CUEDC1: variants seen among roughly 807,000 people sequenced by gnomAD.
CUEDC1 encodes the protein CUE domain containing 1.
CUEDC1 carries 30 observed loss-of-function variants against 43.7 expected under a neutral mutation model. The ratio of observed to expected loss-of-function variants is 0.69; its 90% CI spans 0.51 to 0.93. The LOEUF (loss-of-function observed/expected upper bound fraction) is 0.93, where lower values mean the gene tolerates loss of function less well. CUEDC1 is among the 40% of genes least tolerant of loss of function. The probability of loss-of-function intolerance (pLI) is 0.00; values close to 1 mark genes in which losing one functional copy is unlikely to be tolerated. For missense variants in CUEDC1, 486 were observed against 549.0 expected, an observed-to-expected ratio of 0.89 and a Z score of 1.15; for synonymous variants, 223 against 223.6, an observed-to-expected ratio of 1.00 and a Z score of 0.02.
rs570966707 is a variant in CUEDC1, at chr17:57,909,855, C to G, written c.-315-23976G>C. Among the ~76,000 whole-genome samples the G allele has an allele frequency of 2.0e-5, 3 of 152,184 alleles. 1 individual carries two copies. In the East Asian group the frequency reaches 5.8e-4, roughly 29 times the overall value. ...AGTCAGAGAAAAAGGGCAGCTGAGGCGGGGTATGCATGTGTGTGCGGGTAG... is the reference window on the plus strand; with the variant it reads ...AGTCAGAGAAAAAGGGCAGCTGAGGGGGGGTATGCATGTGTGTGCGGGTAG... On this transcript the variant is annotated intron_variant, in intron 1 of 10. Transcript: ENST00000577830.
intron 1 of CUEDC1, among the ~76,000 whole-genome samples, chr17:57,886,153 G>A (rs763533159): frequency 1.2e-4 from 19 of 152,168 alleles, no homozygotes; most frequent in Non-Finnish European, 2.5e-4. Flanking sequence ...AATACTGTAA[G>A]GTATGTGCTA....
intron 6 of CUEDC1, chr17:57,869,981 C>T (rs1338841909): frequency 6.6e-6 from 1 of 152,308 alleles, no homozygotes; most frequent in African/African-American, 2.4e-5. Flanking sequence ...CAAGAGGCTC[C>T]TGCTTAAAAC....
chr17:57,886,203 G>A (rs1037219394), intron 1 of CUEDC1, among the ~76,000 whole-genome samples: 2 of 152,194 alleles, frequency 1.3e-5, no homozygotes, highest in Admixed American at 1.3e-4. Context: ...AGGTATAGAC[G>A]CTGAGTTAGT....
rs1031012683 is a variant in CUEDC1, at chr17:57,955,163, G to T, written c.-316+62C>A. 1.1e-3 allele frequency: 167 copies of T among 146,612 alleles called. No individual in the cohort carries two copies. The highest frequency in any genetic ancestry group is 4.0e-3 in the African/African-American group (162 of 40,832). 9.1% of individuals were successfully genotyped at this position (146,612 alleles called of 1,614,324 possible). ...CGGGGCCGCGGCCGGGATTGCGCGC[G>T]GGGCGCCGGCGAGGACCGCGCCCGG... is the stretch of plus-strand genomic sequence containing the variant. On this transcript the variant is annotated intron_variant, in intron 1 of 10. Coordinates refer to ENST00000577830, the MANE Select transcript of CUEDC1 (RefSeq NM_001271875.2). The surrounding 1 kb of genome is among the most constrained non-coding windows in gnomAD (Gnocchi z 5.3).
At chr17:57,936,703 C>T (rs2074864868) in intron 1 of CUEDC1, among the ~76,000 whole-genome samples, 1 of 152,118 alleles carries the variant, frequency 6.6e-6, no homozygotes, top group Non-Finnish European at 1.5e-5. Context: ...TCAGATCCAC[C>T]TCTGTCAGCA....
chr17:57,906,139 G>A (rs1597999713), intron 1 of CUEDC1, among the ~76,000 whole-genome samples: 1 of 152,136 alleles, frequency 6.6e-6, no homozygotes, highest in African/African-American at 2.4e-5. Context: ...ACTCAAATAG[G>A]TAATTGTACA....
chr17:57,923,728 G>A (rs2074718585), intron 1 of CUEDC1, among the ~76,000 whole-genome samples: 1 of 152,178 alleles, frequency 6.6e-6, no homozygotes, highest in African/African-American at 2.4e-5. Context: ...TGGGTGGCAG[G>A]CCCTTCTGGC....
At chr17:57,927,428 A>AG (rs1598014727) in intron 1 of CUEDC1, among the ~76,000 whole-genome samples, 1 of 150,606 alleles carries the variant, frequency 6.6e-6, no homozygotes, top group South Asian at 2.1e-4. Context: ...TTAGAGAGAG[A>AG]AAAAAAAGTC....
rs373816737 is a variant in CUEDC1 at position 57,871,356 on chromosome 17, G to A, written c.798C>T (p.Tyr266=). ...TGCTGGATTTAGATTTCTGGGATTCGTATTTCAATCGATCTGGAAAAGGAC... is the reference window on the plus strand; with the variant it reads ...TGCTGGATTTAGATTTCTGGGATTCATATTTCAATCGATCTGGAAAAGGAC... The part of the protein sequence containing the change: ...LLALERDRLK[Y]ESQKSKSSSV... Residue 266 remains tyrosine (Y), a synonymous_variant, in exon 6 of 11, where the codon TAC becomes TAT. Transcript: ENST00000577830. 3.2e-5 allele frequency: 52 copies of A among 1,613,610 alleles called. No homozygotes were observed. The highest frequency in any genetic ancestry group is 8.0e-5 in the African/African-American group (6 of 75,030).
chr17:57,886,994 TG>T (rs1239409232), intron 1 of CUEDC1, among the ~76,000 whole-genome samples: 1 of 151,998 alleles, frequency 6.6e-6, no homozygotes, highest in Non-Finnish European at 1.5e-5. Context: ...AATTTTTTTT[TG>T]TATTTTTAGT....
At chr17:57,932,324 G>A (rs944592229) in intron 1 of CUEDC1, among the ~76,000 whole-genome samples, 21 of 146,898 alleles carry the variant, frequency 1.4e-4, no homozygotes, top group Non-Finnish European at 2.5e-4. Flanking sequence ...GGTGGCTCAC[G>A]CCTGTAATCC....
chr17:57,869,020 T>G, intron 7 of CUEDC1, 102 bp downstream of exon 7: 1 of 1,160,520 alleles, frequency 8.6e-7, no homozygotes, highest in East Asian at 2.6e-5. Flanking sequence ...TCACCAAGAG[T>G]CAGCTGCATT....
At chr17:57,940,705 T>C (rs2074909386) in intron 1 of CUEDC1, among the ~76,000 whole-genome samples, 1 of 152,248 alleles carries the variant, frequency 6.6e-6, no homozygotes, top group South Asian at 2.1e-4. Context: ...GCTGCATTCA[T>C]TTGTTTAACA....
intron 1 of CUEDC1, among the ~76,000 whole-genome samples, chr17:57,897,601 C>G (rs1028422056): frequency 1.3e-4 from 19 of 145,572 alleles, no homozygotes; most frequent in African/African-American, 4.8e-4. Context: ...ACCCAGGAGG[C>G]GGAGCTTGCA....
At chr17:57,942,783 C>T (rs2074928228) in intron 1 of CUEDC1, among the ~76,000 whole-genome samples, 1 of 151,870 alleles carries the variant, frequency 6.6e-6, no homozygotes. Context: ...AATCCCAGCA[C>T]TTTGGGAGGC....
chr17:57,950,343 G>C (rs1356157187), intron 1 of CUEDC1, among the ~76,000 whole-genome samples: 1 of 151,542 alleles, frequency 6.6e-6, no homozygotes, highest in East Asian at 2.0e-4. Context: ...GTAGAGACGG[G>C]GGTTTCACCA....
intron 1 of CUEDC1, among the ~76,000 whole-genome samples, chr17:57,891,375 C>T (rs1380267033): frequency 4.6e-5 from 7 of 152,226 alleles, no homozygotes; most frequent in South Asian, 2.1e-4. Flanking sequence ...CAATCTATGG[C>T]GAAGCCTGTC....
chr17:57,925,109 T>C (rs1196728469), intron 1 of CUEDC1, among the ~76,000 whole-genome samples: 2 of 146,402 alleles, frequency 1.4e-5, no homozygotes, highest in Non-Finnish European at 3.0e-5. Flanking sequence ...TTTTAAAACT[T>C]GTGCACATTA....
intron 1 of CUEDC1, among the ~76,000 whole-genome samples, chr17:57,893,926 T>A (rs543080762): frequency 6.6e-6 from 1 of 152,076 alleles, no homozygotes; most frequent in African/African-American, 2.4e-5. Context: ...AAACACCGTC[T>A]CTACTAAAAA....
Sources: gnomAD v4.1 joint callset for allele counts (sites outside exome capture counted in the v4.1 genomes callset) on GRCh38, gnomAD v4.1.1 for gene constraint, Gnocchi (gnomAD v3.1) non-coding constraint, MANE v1.5 for transcripts, NCBI Gene and HGNC (gene_info 2026-07-23, HGNC 2026-07-21) for gene names.